The following PCED1B variants were observed in gnomAD, a reference collection of about 807,000 sequenced individuals.
PCED1B encodes PC-esterase domain-containing protein 1B.
For synonymous variants in PCED1B, 251 were observed against 246.1 expected, an observed-to-expected ratio of 1.02 and a Z score of -0.19; for missense variants, 573 against 573.9, an observed-to-expected ratio of 1.00 and a Z score of 0.02.
intron 2 of PCED1B, among the ~76,000 whole-genome samples, chr12:47,192,839 A>G (rs1002963883): frequency 6.6e-6 from 1 of 152,180 alleles, no homozygotes; most frequent in African/African-American, 2.4e-5. Context: ...ATTAACCCCA[A>G]CTGAGGAAAC....
At chr12:47,126,862 G>C (rs1565763867) in intron 2 of PCED1B, among the ~76,000 whole-genome samples, 1 of 152,084 alleles carries the variant, frequency 6.6e-6, no homozygotes, top group South Asian at 2.1e-4. Context: ...TTCCATTCCT[G>C]ATGTTGGTCA....
chr12:47,088,670 G>A lies in PCED1B; in HGVS notation c.-609+8945G>A, dbSNP rs560802689. ...CTCTTGCATTGTGATAAAAATACGT[G>A]GTAGGAAATCAATGTAGGTTTCCTT... On this transcript the variant is annotated intron_variant, in intron 1 of 3. Transcript: ENST00000546455. Among the ~76,000 whole-genome samples, 3 of 152,286 alleles carry A rather than the reference G, an allele frequency of 2.0e-5. No individual in the cohort carries two copies. The East Asian group carries it at 5.8e-4, about 29-fold the overall frequency.
At chr12:47,109,177 A>G (rs1169011646) in intron 2 of PCED1B, among the ~76,000 whole-genome samples, 3 of 152,162 alleles carry the variant, frequency 2.0e-5, no homozygotes, top group Non-Finnish European at 4.4e-5. Context: ...AGAAATTTTC[A>G]AGAAGATTCA....
At chr12:47,200,727 G>C (rs781778382) in intron 2 of PCED1B, among the ~76,000 whole-genome samples, 5 of 152,216 alleles carry the variant, frequency 3.3e-5, no homozygotes, top group African/African-American at 7.2e-5. Flanking sequence ...ATGCCTTGCT[G>C]ATATTAGTGC....
chr12:47,141,023 T>C (rs1043661714), intron 2 of PCED1B, among the ~76,000 whole-genome samples: 3 of 152,146 alleles, frequency 2.0e-5, no homozygotes, highest in Admixed American at 1.3e-4. Context: ...CTGAATTCAC[T>C]GGAGGTACTT....
At chr12:47,114,580 C>T (rs886752652) in intron 2 of PCED1B, among the ~76,000 whole-genome samples, 5 of 152,146 alleles carry the variant, frequency 3.3e-5, no homozygotes, top group East Asian at 1.9e-4. Flanking sequence ...ATTACATTGC[C>T]GTTGTTTAGA....
At chr12:47,143,838 T>C (rs1940687080) in intron 2 of PCED1B, among the ~76,000 whole-genome samples, 1 of 152,020 alleles carries the variant, frequency 6.6e-6, no homozygotes, top group East Asian at 1.9e-4. Flanking sequence ...ATCAAAATAG[T>C]ATGGTACTGG....
chr12:47,124,444 GT>G (rs141720666), intron 2 of PCED1B, among the ~76,000 whole-genome samples: 2 of 148,980 alleles, frequency 1.3e-5, no homozygotes, highest in African/African-American at 4.9e-5. Flanking sequence ...GTGTTTTTCT[GT>G]TTTTTTGCTA....
At chr12:47,110,062 G>A (rs914243548) in intron 2 of PCED1B, among the ~76,000 whole-genome samples, 1 of 152,170 alleles carries the variant, frequency 6.6e-6, no homozygotes, top group Admixed American at 6.5e-5. Flanking sequence ...TGGCCTGAAT[G>A]GTTGGCTTGG....
intron 2 of PCED1B, among the ~76,000 whole-genome samples, chr12:47,162,803 TAC>T (rs1161283448): frequency 1.3e-5 from 2 of 152,336 alleles, no homozygotes; most frequent in Non-Finnish European, 2.9e-5. Context: ...CACTAGGCCC[TAC>T]CTCCAATATT....
chr12:47,081,472 T>A (rs1366450655), intron 1 of PCED1B, among the ~76,000 whole-genome samples: 1 of 152,222 alleles, frequency 6.6e-6, no homozygotes, highest in Non-Finnish European at 1.5e-5. Context: ...ATCTAGGCAT[T>A]TTCAGATGAG....
At chr12:47,190,999 A>T (rs879827402) in intron 2 of PCED1B, among the ~76,000 whole-genome samples, 4 of 152,238 alleles carry the variant, frequency 2.6e-5, no homozygotes, top group Non-Finnish European at 5.9e-5. Flanking sequence ...AAACCAGTTC[A>T]TTAATCTTGC....
At chr12:47,098,844 A>G (rs1014941558) in intron 1 of PCED1B, among the ~76,000 whole-genome samples, 6 of 152,186 alleles carry the variant, frequency 3.9e-5, no homozygotes, top group Non-Finnish European at 5.9e-5. Flanking sequence ...AGAGAGAAAG[A>G]AAGAGTGGGA....
At chr12:47,211,415 G>A (rs1178567528) in intron 2 of PCED1B, among the ~76,000 whole-genome samples, 1 of 151,938 alleles carries the variant, frequency 6.6e-6, no homozygotes, top group Non-Finnish European at 1.5e-5. Flanking sequence ...ACTTTGGGAG[G>A]CTGAGGCATG....
chr12:47,165,023 G>C (rs939024882), intron 2 of PCED1B, among the ~76,000 whole-genome samples: 4 of 152,234 alleles, frequency 2.6e-5, no homozygotes, highest in Non-Finnish European at 5.9e-5. Context: ...AGCTGGTCAA[G>C]CTGGGCCTTA....
At chr12:47,134,354 C>T (rs1022392103) in intron 2 of PCED1B, among the ~76,000 whole-genome samples, 2 of 152,168 alleles carry the variant, frequency 1.3e-5, no homozygotes, top group African/African-American at 4.8e-5. Flanking sequence ...TTTTGTCCTT[C>T]CTTCCTTTCT....
intron 2 of PCED1B, among the ~76,000 whole-genome samples, chr12:47,119,220 C>T (rs993648567): frequency 5.9e-5 from 9 of 152,126 alleles, no homozygotes; most frequent in African/African-American, 1.9e-4. Flanking sequence ...ATTTACCTCA[C>T]ACCAAATATA....
At position 47,235,947 on chromosome 12, in the gene PCED1B, C is replaced by T; in HGVS notation, c.884C>T (p.Pro295Leu). ...GCCTTACCTCTGTCCCCACCCTTAC[C>T]TTCCCCCACATACCGCCCCCTGCTT... ...HPALPLSPPLPSPTYRPLLGF... is the reference protein window; with the variant it reads ...HPALPLSPPLLSPTYRPLLGF... The change falls in exon 4 of 4, where the codon CCT becomes CTT. Residue 295 changes from proline (P) to leucine (L), a missense_variant. Pro to Leu is a moderately conservative substitution (Grantham distance 98). Transcript: ENST00000546455. The T allele has an allele frequency of 6.2e-7, 1 of 1,612,498 alleles. No homozygotes were observed. Among genetic ancestry groups the T allele is most frequent in the Non-Finnish European group, 8.5e-7 (1 of 1,179,390 alleles).
intron 1 of PCED1B, among the ~76,000 whole-genome samples, chr12:47,100,594 A>G (rs1459880263): frequency 6.6e-6 from 1 of 152,230 alleles, no homozygotes; most frequent in African/African-American, 2.4e-5. Flanking sequence ...ACTCAAATCA[A>G]GTGTACTCTT....
Sources: gnomAD v4.1 joint callset for allele counts (sites outside exome capture counted in the v4.1 genomes callset) on GRCh38, gnomAD v4.1.1 for gene constraint, MANE v1.5 for transcripts, NCBI Gene and HGNC (gene_info 2026-07-23, HGNC 2026-07-21) for gene names.